ZNF704: variants seen among roughly 807,000 people sequenced by gnomAD.
The protein encoded by ZNF704 is zinc finger protein 704.
ZNF704 carries 10 observed loss-of-function variants against 44.7 expected under a neutral mutation model. That is an observed-to-expected ratio of 0.22 (90% CI 0.14 to 0.38). The LOEUF is 0.38. Among genes scored for constraint, ZNF704 ranks in the 10% least tolerant of loss-of-function variants. The pLI, the probability that ZNF704 is intolerant of heterozygous loss-of-function variation, is 1.00. For missense variants in ZNF704, 390 were observed against 545.5 expected (o/e 0.71, Z 2.84); for synonymous variants, 211 against 207.6 (o/e 1.02, Z -0.14).
upstream of ZNF704, among the ~76,000 whole-genome samples, chr8:80,875,725 G>A (rs1425806800): frequency 6.6e-6 from 1 of 152,224 alleles, no homozygotes; most frequent in African/African-American, 2.4e-5. Flanking sequence ...AATAAAAGGT[G>A]TATTCACCTT....
At chr8:80,760,151 C>A (rs367795776) in intron 2 of ZNF704, among the ~76,000 whole-genome samples, 6 of 152,078 alleles carry the variant, frequency 3.9e-5, no homozygotes, top group African/African-American at 1.4e-4. Flanking sequence ...ACAGATACTA[C>A]GAGAGAATAA....
rs1329241359 is a variant in ZNF704 at position 80,874,255 on chromosome 8, G to T, written c.-22+316C>A. Reference sequence around the variant, plus strand: ...GCCGGCGGGGACGCCGGCGGCCGGCGGCTACGGCGGGGCGGCGCGGCGGCC... The same window carrying T: ...GCCGGCGGGGACGCCGGCGGCCGGCTGCTACGGCGGGGCGGCGCGGCGGCC... On this transcript the variant is annotated intron_variant, in intron 1 of 8. Transcript: ENST00000327835. This position sits in a 1 kb window ranked among gnomAD's most constrained non-coding sequence, Gnocchi z 4.4. 6.9e-6 allele frequency among the ~76,000 whole-genome samples: 1 copy of T among 144,816 alleles called. No individual in the cohort carries two copies. Among genetic ancestry groups the T allele is most frequent in the Non-Finnish European group, 1.5e-5 (1 of 65,300 alleles).
intron 2 of ZNF704, among the ~76,000 whole-genome samples, chr8:80,725,872 TTAAAAG>T (rs1359899748): frequency 2.0e-5 from 3 of 152,182 alleles, no homozygotes; most frequent in African/African-American, 7.2e-5. Flanking sequence ...CAGGAACAGC[TTAAAAG>T]TAAAAGAAAT....
chr8:80,818,842 G>A (rs1020248358), intron 2 of ZNF704, among the ~76,000 whole-genome samples: 1 of 152,172 alleles, frequency 6.6e-6, no homozygotes, highest in Non-Finnish European at 1.5e-5. Flanking sequence ...ATCAGGTAAA[G>A]AAGTTTCTTT....
At chr8:80,856,362 AATG>A (rs1378450500) in intron 1 of ZNF704, among the ~76,000 whole-genome samples, 3 of 152,164 alleles carry the variant, frequency 2.0e-5, no homozygotes, top group African/African-American at 4.8e-5. Context: ...AAAATGCTAA[AATG>A]ATGACCTAAA....
intron 2 of ZNF704, among the ~76,000 whole-genome samples, chr8:80,713,412 A>T (rs531203530): frequency 6.6e-6 from 1 of 152,278 alleles, no homozygotes; most frequent in African/African-American, 2.4e-5. Context: ...TTTCATCTTT[A>T]TTCCTCTTAA....
At chr8:80,883,074 CAA>C in the ZNF704 span, among the ~76,000 whole-genome samples, 2 of 43,188 alleles carry the variant, frequency 4.6e-5, no homozygotes, top group East Asian at 7.5e-4. Context: ...CCTGTCTCTA[CAA>C]AAAAAAAAAA....
Position 80,631,117 on chromosome 8 carries a change from G to T in ZNF704, c.*10249C>A, listed in dbSNP as rs1817576877. 6.6e-6 allele frequency: 1 copy of T among 152,182 alleles called. No individual in the cohort carries two copies. The allele number at this position is 152,182 out of a possible 1,614,324, so 9.4% of individuals were successfully genotyped here. ...AGGTGTTGGTCACATCACAGCCATC[G>T]ATTTCCAATAAGCAGAGTATGGAAA... On this transcript the variant is annotated 3_prime_UTR_variant, in exon 9 of 9. Transcript: ENST00000327835.
chr8:80,857,440 G>A (rs1245011660), intron 1 of ZNF704, among the ~76,000 whole-genome samples: 2 of 152,098 alleles, frequency 1.3e-5, no homozygotes, highest in Non-Finnish European at 2.9e-5. Flanking sequence ...ATTGAACTTT[G>A]TCAAATGCTT....
intron 2 of ZNF704, among the ~76,000 whole-genome samples, chr8:80,753,168 C>T (rs560020164): frequency 1.2e-4 from 18 of 152,264 alleles, no homozygotes; most frequent in African/African-American, 4.3e-4. Context: ...AATAAAACAG[C>T]CAGCTAGGTA....
intron 2 of ZNF704, among the ~76,000 whole-genome samples, chr8:80,741,812 G>A (rs1185135380): frequency 1.3e-5 from 2 of 152,112 alleles, no homozygotes; most frequent in Non-Finnish European, 2.9e-5. Flanking sequence ...AAGTTCCTTT[G>A]TGAAAAAAGG....
chr8:80,663,322 A>T (rs995546373), intron 6 of ZNF704, among the ~76,000 whole-genome samples: 1 of 151,316 alleles, frequency 6.6e-6, no homozygotes, highest in Admixed American at 6.6e-5. Flanking sequence ...TCGAGGCTGC[A>T]GTGAATTGCA....
At chr8:80,882,514 T>C in the ZNF704 span, among the ~76,000 whole-genome samples, 2 of 152,224 alleles carry the variant, frequency 1.3e-5, no homozygotes, top group Admixed American at 1.3e-4. Flanking sequence ...CCTATTGCCA[T>C]ATTTTCTGCA....
rs542795163 is a variant in ZNF704, at chr8:80,770,482, G to A, written c.221+50892C>T. On this transcript the variant is annotated intron_variant, in intron 2 of 8. Coordinates refer to ENST00000327835, the MANE Select transcript of ZNF704 (RefSeq NM_001033723.3). ...TTTTTGTGTGCTAATTGCTTGTTCT[G>A]TGTGCTTATTTGCTATATGTCCTCC... Among the ~76,000 whole-genome samples the A allele has an allele frequency of 6.6e-5, 10 of 152,164 alleles. No homozygotes were observed. In the East Asian group the frequency reaches 1.5e-3, roughly 24 times the overall value.
Position 80,845,008 on chromosome 8 carries a change from A to G in ZNF704, c.-21-23393T>C, listed in dbSNP as rs1435450904. Among the ~76,000 whole-genome samples, 11 of 152,194 alleles carry G rather than the reference A, an allele frequency of 7.2e-5. No homozygotes were observed. In the East Asian group the frequency reaches 2.1e-3, roughly 29 times the overall value. ...AATATTTCCTGATTTTGATTTCAAG[A>G]AAGTCTGAGTACTTGAGGTGCTTAC... On this transcript the variant is annotated intron_variant, in intron 1 of 8. Coordinates refer to ENST00000327835, the MANE Select transcript of ZNF704 (RefSeq NM_001033723.3).
At chr8:80,822,706 CTGT>C (rs1178681049) in intron 1 of ZNF704, among the ~76,000 whole-genome samples, 1 of 152,286 alleles carries the variant, frequency 6.6e-6, no homozygotes, top group African/African-American at 2.4e-5. Context: ...TCTCCAGCAC[CTGT>C]TGTTTCCTGA....
intron 1 of ZNF704, among the ~76,000 whole-genome samples, chr8:80,862,615 A>T (rs984290180): frequency 6.7e-6 from 1 of 150,184 alleles, no homozygotes; most frequent in African/African-American, 2.5e-5. Flanking sequence ...AAAAAAAAAA[A>T]TTAGTCAAAT....
intron 1 of ZNF704, among the ~76,000 whole-genome samples, chr8:80,845,004 C>T (rs1808745900): frequency 6.6e-6 from 1 of 151,922 alleles, no homozygotes. Context: ...ATTTTGATTT[C>T]AAGAAAGTCT....
At chr8:80,658,613 G>A (rs79960975) in intron 7 of ZNF704, 1 of 152,328 alleles carries the variant, frequency 6.6e-6, no homozygotes, top group Non-Finnish European at 1.5e-5. Flanking sequence ...CACATTCCCA[G>A]AGTCTTTTCT....
Sources: allele counts gnomAD v4.1 joint callset (sites outside exome capture counted in the v4.1 genomes callset), GRCh38; gene constraint gnomAD v4.1.1; non-coding constraint Gnocchi (gnomAD v3.1); transcripts MANE v1.5; gene names NCBI Gene and HGNC (gene_info 2026-07-23, HGNC 2026-07-21).